Variants in IRAK1BP1 observed in about 807,000 individuals in gnomAD.
IRAK1BP1 encodes interleukin-1 receptor-associated kinase 1-binding protein 1.
IRAK1BP1 carries 24 observed loss-of-function variants against 28.0 expected under a neutral mutation model. The ratio of observed to expected loss-of-function variants is 0.86; its 90% confidence interval spans 0.62 to 1.20. The LOEUF is 1.20. IRAK1BP1 is among the 50% of genes most tolerant of loss of function. IRAK1BP1 has a pLI of 0.00. For synonymous variants in IRAK1BP1, 131 were observed against 116.3 expected (o/e 1.13, Z -0.81); for missense variants, 336 against 316.7 (o/e 1.06, Z -0.46).
In IRAK1BP1 at chr6:78,898,296, G is replaced by T; in HGVS notation, c.745G>T (p.Glu249Ter). ...TGCTTCAAAAGTATTTATAACTTTT[G>T]AGGTAAAGGGAAAAGAGAAGAGAAA... The part of the protein sequence containing the change: ...HAASKVFITF[E>*]VKGKEKRKKH... Residue 249 changes from glutamate (E) to a stop codon, truncating the protein, a stop_gained, in exon 4 of 4, where the codon GAG (glutamate) becomes TAG (stop). Coordinates refer to ENST00000369940, the MANE Select transcript of IRAK1BP1 (RefSeq NM_001010844.4). LOFTEE classifies it high-confidence loss of function. 6.3e-7 allele frequency: 1 copy of T among 1,599,126 alleles called. No individual in the cohort carries two copies. The highest frequency in any genetic ancestry group is 1.1e-5 in the South Asian group (1 of 87,556).
rs143872223 is a variant in IRAK1BP1 at position 78,944,834 on chromosome 6, T to C, written c.*68-574T>C. Among the ~76,000 whole-genome samples, 1,013 of 152,302 alleles carry C rather than the reference T, an allele frequency of 6.7e-3. 7 individuals carry two copies. Among genetic ancestry groups the C allele is most frequent in the Non-Finnish European group, 0.012 (789 of 68,016 alleles). On this transcript the variant is annotated intron_variant and NMD_transcript_variant, in intron 4 of 4. Transcript: ENST00000606868. ...CATATTTTATTATTTACCTTCTTCA[T>C]CTTTCAAACATAAAGACTTTACAAT...
the IRAK1BP1 span, among the ~76,000 whole-genome samples, chr6:78,969,207 C>G: frequency 4.9e-4 from 74 of 152,274 alleles, no homozygotes; most frequent in Non-Finnish European, 7.6e-4. Context: ...GACAAACCAC[C>G]ATGTCAATGC....
chr6:78,868,818 C>T (rs1770687316), intron 1 of IRAK1BP1, among the ~76,000 whole-genome samples: 1 of 152,158 alleles, frequency 6.6e-6, no homozygotes, highest in Non-Finnish European at 1.5e-5. Flanking sequence ...TAGGGATCAA[C>T]GATTTCAGTT....
At chr6:78,886,166 T>A (rs1038765306) in intron 2 of IRAK1BP1, among the ~76,000 whole-genome samples, 1 of 152,174 alleles carries the variant, frequency 6.6e-6, no homozygotes, top group Non-Finnish European at 1.5e-5. Context: ...AGAAAGTATC[T>A]CCATCACCCG....
intron 2 of IRAK1BP1, 74 bp downstream of exon 2, chr6:78,885,517 A>C (rs1771395038): frequency 1.5e-6 from 1 of 652,762 alleles, no homozygotes. Flanking sequence ...AACTGAAATG[A>C]ATGGTGAAAA....
At chr6:78,972,649 G>T in the IRAK1BP1 span, among the ~76,000 whole-genome samples, 91 of 152,230 alleles carry the variant, frequency 6.0e-4, 1 homozygote, top group South Asian at 7.3e-3. Flanking sequence ...AGAAGAATGT[G>T]TAACTAGAAT....
rs531947866 is a variant in IRAK1BP1 at position 78,927,775 on chromosome 6, A to G, written c.*68-17633A>G. 6.6e-5 allele frequency among the ~76,000 whole-genome samples: 10 copies of G among 152,216 alleles called. No individual in the cohort carries two copies. In the East Asian group the frequency reaches 1.5e-3, roughly 23 times the overall value. ...ATGAATATCCAGTTTTCCAGGCACC[A>G]TTTACTGAAAAGACTGTCTTTTCCC... On this transcript the variant is annotated intron_variant and NMD_transcript_variant, in intron 4 of 4. Transcript: ENST00000606868.
chr6:78,946,957 TCCAG>T, downstream of IRAK1BP1: 2 of 763,970 alleles, frequency 2.6e-6, no homozygotes, highest in Non-Finnish European at 4.1e-6. Context: ...TAAATATTTT[TCCAG>T]TAAAAAATAT....
At chr6:78,912,080 T>G (rs1368401137) in intron 4 of IRAK1BP1, among the ~76,000 whole-genome samples, 1 of 152,212 alleles carries the variant, frequency 6.6e-6, no homozygotes, top group Non-Finnish European at 1.5e-5. Context: ...GAAAATTGAC[T>G]TGGCAATTCA....
chr6:78,930,064 T>G (rs1268944523), intron 4 of IRAK1BP1, among the ~76,000 whole-genome samples: 1 of 151,850 alleles, frequency 6.6e-6, no homozygotes, highest in East Asian at 1.9e-4. Context: ...AGCCTCCGAG[T>G]GGTTGGGACT....
the IRAK1BP1 span, chr6:78,965,888 G>GA: frequency 6.0e-4 from 789 of 1,310,248 alleles, no homozygotes; most frequent in Non-Finnish European, 7.3e-4. Context: ...TTAATAGATG[G>GA]AAAAAAAAAT....
the IRAK1BP1 span, chr6:78,978,828 C>A: frequency 2.4e-5 from 19 of 791,594 alleles, no homozygotes; most frequent in Non-Finnish European, 3.3e-5. Flanking sequence ...CACCATTGTA[C>A]AATATTATAT....
the IRAK1BP1 span, among the ~76,000 whole-genome samples, chr6:78,974,122 G>C: frequency 2.0e-5 from 3 of 151,722 alleles, no homozygotes; most frequent in Non-Finnish European, 4.4e-5. Flanking sequence ...CCACATACTT[G>C]GAAGTAAAGC....
At chr6:78,932,362 C>T (rs1773071684) in intron 4 of IRAK1BP1, among the ~76,000 whole-genome samples, 1 of 151,800 alleles carries the variant, frequency 6.6e-6, no homozygotes, top group Non-Finnish European at 1.5e-5. Context: ...TGACCAGATT[C>T]CTCAGAGGAA....
chr6:78,936,583 C>T (rs1442133167), intron 4 of IRAK1BP1: 1 of 151,746 alleles, frequency 6.6e-6, no homozygotes, highest in African/African-American at 2.4e-5. Flanking sequence ...TGGTCTGTGC[C>T]ATAAGGTTAA....
the IRAK1BP1 span, among the ~76,000 whole-genome samples, chr6:78,973,398 A>G: frequency 1.3e-5 from 2 of 150,616 alleles, no homozygotes; most frequent in East Asian, 3.9e-4. Flanking sequence ...GGAAAGGAAA[A>G]ACCGGTACCA....
the IRAK1BP1 span, among the ~76,000 whole-genome samples, chr6:78,960,529 T>C: frequency 1.4e-4 from 22 of 151,888 alleles, no homozygotes; most frequent in African/African-American, 5.1e-4. Flanking sequence ...GGTGGGATGG[T>C]TGGGAACCAC....
chr6:78,960,070 CA>C, the IRAK1BP1 span, among the ~76,000 whole-genome samples: 2 of 152,076 alleles, frequency 1.3e-5, no homozygotes, highest in South Asian at 4.1e-4. Context: ...TGACATCGCT[CA>C]GCATCATGAA....
In IRAK1BP1 at chr6:78,867,883, G is replaced by C; in HGVS notation, c.307G>C (p.Gly103Arg). 1 of 1,592,326 alleles carries C rather than the reference G, an allele frequency of 6.3e-7. No individual in the cohort carries two copies. Among genetic ancestry groups the C allele is most frequent in the African/African-American group, 1.3e-5 (1 of 74,466 alleles). The change falls in exon 1 of 4, where the codon GGC (glycine) becomes CGC (arginine). Residue 103 changes from glycine to arginine, a missense_variant. By Grantham distance (125) the Gly-to-Arg change is moderately radical (BLOSUM62 -2). Coordinates refer to ENST00000369940, the MANE Select transcript of IRAK1BP1 (RefSeq NM_001010844.4). ...CATCACGCAGAGCCTCCAGCAGCAGGGCGTGCAGGTGAGATCTCCGCGGGG... is the reference window on the plus strand; with the variant it reads ...CATCACGCAGAGCCTCCAGCAGCAGCGCGTGCAGGTGAGATCTCCGCGGGG... ...DYITQSLQQQ[G>R]VQAENITVTK... is the part of the protein sequence containing the mutation.
Sources: allele counts gnomAD v4.1 joint callset (sites outside exome capture counted in the v4.1 genomes callset), GRCh38; gene constraint gnomAD v4.1.1; transcripts MANE v1.5; gene names NCBI Gene and HGNC (gene_info 2026-07-23, HGNC 2026-07-21).